Variants in NID1 observed in about 807,000 individuals in gnomAD.
The protein encoded by NID1 is nidogen-1.
NID1 carries 76 observed loss-of-function variants against 130.6 expected under a neutral mutation model. The observed-to-expected ratio is 0.58, with a 90% CI of 0.48 to 0.70. NID1 has a LOEUF of 0.70. Ranked by LOEUF, NID1 falls within the 30% of genes least tolerant of loss-of-function variation. NID1 has a pLI of 0.00. For synonymous variants in NID1, 665 were observed against 675.1 expected, an observed-to-expected ratio of 0.98 and a Z score of 0.23; for missense variants, 1,517 against 1,664.8, an observed-to-expected ratio of 0.91 and a Z score of 1.54.
At position 236,013,507 on chromosome 1, in the gene NID1, C is replaced by T. The variant is rs1019746466; in HGVS notation, c.2308G>A (p.Asp770Asn). The T allele has an allele frequency of 1.1e-5, 18 of 1,613,406 alleles. No homozygotes were observed. The highest frequency in any genetic ancestry group is 1.4e-5 in the Non-Finnish European group (16 of 1,179,810). The change falls in exon 11 of 20, where the codon GAC becomes AAC. Residue 770 changes from aspartate to asparagine, a missense_variant. Physicochemically the swap from Asp to Asn is conservative, Grantham distance 23 (BLOSUM62 1). Coordinates refer to ENST00000264187, the MANE Select transcript of NID1 (RefSeq NM_002508.3). Reference protein sequence around the residue: ...NYCETGLHNCDIPQRAQCIYT... With the variant: ...NYCETGLHNCNIPQRAQCIYT... ...ATACACTGGGCCCGCTGGGGTATGT[C>T]GCAGTTATGAAGGCCAGTTTCACAG...
chr1:236,032,006 T>C (rs1201402595), intron 6 of NID1, among the ~76,000 whole-genome samples: 1 of 152,120 alleles, frequency 6.6e-6, no homozygotes, highest in Non-Finnish European at 1.5e-5. Context: ...TGGTTTGGAA[T>C]TCAGAGGCAG....
chr1:235,993,873 C>G lies in NID1; in HGVS notation c.2528-1G>C. ...TGCTGGCACCGGGTTTTCTCCACCT[C>G]TATCAGAGAAACAGGCAACAAGAAA... On this transcript the variant is annotated splice_acceptor_variant, in intron 12 of 19. Coordinates refer to ENST00000264187, the MANE Select transcript of NID1 (RefSeq NM_002508.3). LOFTEE classifies it high-confidence loss of function. 6.2e-7 allele frequency: 1 copy of G among 1,607,352 alleles called. No homozygotes were observed. Among genetic ancestry groups the G allele is most frequent in the African/African-American group, 1.3e-5 (1 of 74,962 alleles).
At chr1:236,061,573 C>T (rs1383331271) in intron 1 of NID1, among the ~76,000 whole-genome samples, 1 of 152,104 alleles carries the variant, frequency 6.6e-6, no homozygotes, top group African/African-American at 2.4e-5. Flanking sequence ...TCAAGAGATT[C>T]TCCTGCCTCA....
intron 9 of NID1, among the ~76,000 whole-genome samples, chr1:236,022,955 G>A (rs1658808129): frequency 6.6e-6 from 1 of 151,498 alleles, no homozygotes; most frequent in Non-Finnish European, 1.5e-5. Context: ...CCAGCTACTA[G>A]GAGACAAGTA....
In NID1 at chr1:235,983,217, T is replaced by G. The variant is rs377464220; in HGVS notation, c.3056-1435A>C. On this transcript the variant is annotated intron_variant, in intron 15 of 19. Transcript: ENST00000264187. ...GTGGACATACAAGCAGTGCAGACCC[T>G]CAGCCCCCTTTGCATTAGCCTTCGC... Among the ~76,000 whole-genome samples the G allele has an allele frequency of 4.7e-4, 72 of 152,244 alleles. 1 individual carries two copies. The highest frequency in any genetic ancestry group is 1.7e-3 in the African/African-American group (69 of 41,534).
rs986844111 is a variant in NID1 at position 235,975,862 on chromosome 1, C to G, written c.*2005G>C. 12 of 152,578 alleles carry G rather than the reference C, an allele frequency of 7.9e-5. No homozygotes were observed. The highest frequency in any genetic ancestry group is 1.6e-4 in the Non-Finnish European group (11 of 68,036). 9.5% of individuals were successfully genotyped at this position (152,578 alleles called of 1,614,324 possible). A position where few individuals can be genotyped will look rare whatever the true frequency, so the allele number is the denominator to read the frequency against. On this transcript the variant is annotated 3_prime_UTR_variant, in exon 20 of 20. Transcript: ENST00000264187. ...TTTTAAAAAAAGTTTATTTTCCACA[C>G]TATTTGTACAGCTGTAAACTCAAGG...
At chr1:236,062,504 C>T (rs986987152) in intron 1 of NID1, among the ~76,000 whole-genome samples, 13 of 151,890 alleles carry the variant, frequency 8.6e-5, no homozygotes, top group Non-Finnish European at 1.8e-4. Context: ...CATGGTGGTG[C>T]GCGCCTGTAA....
intron 1 of NID1, among the ~76,000 whole-genome samples, chr1:236,063,733 C>T (rs1391128656): frequency 3.9e-5 from 6 of 152,034 alleles, no homozygotes; most frequent in Admixed American, 2.6e-4. Flanking sequence ...GCTGCAGTGA[C>T]CCAAGATCGC....
chr1:236,046,938 A>C (rs1241301403), intron 2 of NID1, among the ~76,000 whole-genome samples: 1 of 152,036 alleles, frequency 6.6e-6, no homozygotes, highest in Non-Finnish European at 1.5e-5. Flanking sequence ...AGGTTTGGAG[A>C]CTGCTCAGTT....
In NID1 at chr1:236,035,117, A is replaced by G. The variant is rs1439546495; in HGVS notation, c.1286-2465T>C. The stretch of plus-strand genomic sequence containing the variant: ...ACTAACTCGTCATCTAGCATTAGGT[A>G]TATCTCCCAGTGCTATCCCTCCCCC... On this transcript the variant is annotated intron_variant, in intron 5 of 19. Transcript: ENST00000264187. Among the ~76,000 whole-genome samples the G allele has an allele frequency of 1.3e-4, 17 of 133,784 alleles. No individual in the cohort carries two copies. The Admixed American group carries it at 1.3e-3, about 10-fold the overall frequency. The allele number at this position is 133,784 out of a possible 152,430, so 87.8% of individuals were successfully genotyped here.
chr1:236,037,830 C>T (rs1324718359), intron 5 of NID1, among the ~76,000 whole-genome samples: 1 of 152,148 alleles, frequency 6.6e-6, no homozygotes, highest in Non-Finnish European at 1.5e-5. Context: ...ACACACCACG[C>T]AGTTGTGAAG....
At position 236,011,884 on chromosome 1, in the gene NID1, C is replaced by A. The variant is rs763712073; in HGVS notation, c.2527+37G>T. On this transcript the variant is annotated intron_variant, in intron 12 of 19. Transcript: ENST00000264187. ...ATGTGCTCTGCATTCATGGACAGGG[C>A]AATGGGCTACCGACTCCAGATGTCC... 7 of 1,611,086 alleles carry A rather than the reference C, an allele frequency of 4.3e-6. 1 individual carries two copies. In the South Asian group the frequency reaches 6.6e-5, roughly 15 times the overall value.
At chr1:236,013,611 A>AG (rs775415582) in intron 10 of NID1, 51 bp from the exon 11 acceptor site, 1 of 1,609,702 alleles carries the variant, frequency 6.2e-7, no homozygotes, top group Admixed American at 1.7e-5. Flanking sequence ...TCCCCTGAGC[A>AG]GGCCACATGC....
chr1:236,007,754 G>A (rs1444612369), intron 12 of NID1, among the ~76,000 whole-genome samples: 2 of 152,088 alleles, frequency 1.3e-5, no homozygotes, highest in South Asian at 4.1e-4. Context: ...CCACAGCCCC[G>A]ACTAATGTCT....
rs761390670 is a variant in NID1, at chr1:236,042,030, T to C, written c.1015A>G (p.Thr339Ala). ...GTGGGAGGTCCAAGGGGCCTTTCGG[T>C]AGCTGCCCGGCGCGGGGAGAGGACG... ...PSVLSPRRAA[T>A]ERPLGPPTER... The change falls in exon 4 of 20, where the codon ACC (threonine) becomes GCC (alanine). Residue 339 changes from threonine (T) to alanine (A), a missense_variant. Physicochemically the swap from Thr to Ala is moderately conservative, Grantham distance 58. Coordinates refer to ENST00000264187, the MANE Select transcript of NID1 (RefSeq NM_002508.3). The C allele has an allele frequency of 6.2e-7, 1 of 1,614,166 alleles. No homozygotes were observed. Among genetic ancestry groups the C allele is most frequent in the South Asian group, 1.1e-5 (1 of 91,082 alleles).
At chr1:236,056,916 C>T (rs1368781448) in intron 1 of NID1, among the ~76,000 whole-genome samples, 1 of 151,984 alleles carries the variant, frequency 6.6e-6, no homozygotes, top group Non-Finnish European at 1.5e-5. Context: ...AAACATGAAG[C>T]GTAAGTATTG....
At chr1:236,022,583 C>A (rs1261005066) in intron 9 of NID1, among the ~76,000 whole-genome samples, 1 of 151,192 alleles carries the variant, frequency 6.6e-6, no homozygotes, top group Non-Finnish European at 1.5e-5. Context: ...CATGATCCAT[C>A]CACCTCGGCC....
intron 3 of NID1, among the ~76,000 whole-genome samples, chr1:236,043,560 G>A (rs534168398): frequency 1.7e-4 from 26 of 152,038 alleles, no homozygotes; most frequent in East Asian, 1.6e-3. Context: ...GCACTTTGGG[G>A]GGCTGAGGAG....
intron 12 of NID1, among the ~76,000 whole-genome samples, chr1:236,000,882 G>A (rs77988257): frequency 0.02 from 3,120 of 152,266 alleles, 111 homozygotes; most frequent in African/African-American, 0.072. Context: ...TCTCTGGAAA[G>A]AGACGACATG....
Sources: gnomAD v4.1 joint callset for allele counts (sites outside exome capture counted in the v4.1 genomes callset) on GRCh38, gnomAD v4.1.1 for gene constraint, MANE v1.5 for transcripts, NCBI Gene and HGNC (gene_info 2026-07-23, HGNC 2026-07-21) for gene names.